Variants in IMMP2L observed in about 807,000 individuals in gnomAD.
The protein encoded by IMMP2L is inner mitochondrial membrane peptidase subunit 2.
In IMMP2L, 18 loss-of-function variants were observed where a neutral mutation model predicts 19.3. The observed-to-expected ratio is 0.93, with a 90% CI of 0.64 to 1.38. The LOEUF (loss-of-function observed/expected upper bound fraction) is 1.38. Among genes scored for constraint, IMMP2L ranks in the 40% most tolerant of loss-of-function variants. The probability of loss-of-function intolerance (pLI) is 0.00; values close to 1 mark genes in which losing one functional copy is unlikely to be tolerated. For missense variants in IMMP2L, 233 were observed against 218.2 expected (o/e 1.07, Z -0.43); for synonymous variants, 76 against 73.0 (o/e 1.04, Z -0.21).
intron 4 of IMMP2L, among the ~76,000 whole-genome samples, chr7:110,941,064 C>G (rs1349765373): frequency 6.6e-6 from 1 of 152,156 alleles, no homozygotes; most frequent in Non-Finnish European, 1.5e-5. Flanking sequence ...AGTGATAATA[C>G]TCTCTTTAAA....
intron 3 of IMMP2L, among the ~76,000 whole-genome samples, chr7:111,348,303 T>C (rs1044396404): frequency 5.3e-5 from 8 of 152,028 alleles, no homozygotes; most frequent in African/African-American, 1.9e-4. Flanking sequence ...AAAAGTTCTA[T>C]CAAAGTATTT....
chr7:110,986,889 C>A (rs1253403119), intron 3 of IMMP2L, among the ~76,000 whole-genome samples: 1 of 151,628 alleles, frequency 6.6e-6, no homozygotes, highest in African/African-American at 2.4e-5. Context: ...CTATAGGGCT[C>A]CACATATTTT....
chr7:110,738,885 C>T (rs1394902570), intron 5 of IMMP2L, among the ~76,000 whole-genome samples: 1 of 152,166 alleles, frequency 6.6e-6, no homozygotes, highest in Non-Finnish European at 1.5e-5. Context: ...ACTCTACAAA[C>T]TAGAAGGGAT....
At chr7:110,773,856 C>G (rs1584785134) in intron 5 of IMMP2L, among the ~76,000 whole-genome samples, 1 of 138,246 alleles carries the variant, frequency 7.2e-6, no homozygotes, top group Non-Finnish European at 1.5e-5. Context: ...TTCTGTACTA[C>G]TATTCTTTAA....
At chr7:111,005,627 G>A (rs1824206836) in intron 3 of IMMP2L, among the ~76,000 whole-genome samples, 1 of 152,144 alleles carries the variant, frequency 6.6e-6, no homozygotes, top group South Asian at 2.1e-4. Flanking sequence ...GTTCCTGTAA[G>A]GGTGTCACAA....
chr7:111,446,720 G>T (rs545623256), intron 3 of IMMP2L, among the ~76,000 whole-genome samples: 1 of 152,350 alleles, frequency 6.6e-6, no homozygotes, highest in African/African-American at 2.4e-5. Flanking sequence ...TGATTTCGAT[G>T]AGCTAAGAGA....
At chr7:111,425,037 A>G (rs1044942041) in intron 3 of IMMP2L, among the ~76,000 whole-genome samples, 1 of 151,790 alleles carries the variant, frequency 6.6e-6, no homozygotes, top group Non-Finnish European at 1.5e-5. Context: ...TCCTTCATCA[A>G]TTGCCCTCTG....
chr7:111,267,102 C>A (rs1362293052), intron 3 of IMMP2L, among the ~76,000 whole-genome samples: 1 of 152,136 alleles, frequency 6.6e-6, no homozygotes, highest in Non-Finnish European at 1.5e-5. Flanking sequence ...AAATTCAATT[C>A]TTCCATATGT....
At chr7:111,470,696 G>A (rs1404028466) in intron 3 of IMMP2L, among the ~76,000 whole-genome samples, 1 of 138,190 alleles carries the variant, frequency 7.2e-6, no homozygotes, top group African/African-American at 2.6e-5. Flanking sequence ...GACACAGGAA[G>A]GGGAACATCA....
chr7:111,076,982 A>G (rs1795470388), intron 3 of IMMP2L, among the ~76,000 whole-genome samples: 1 of 152,114 alleles, frequency 6.6e-6, no homozygotes, highest in Admixed American at 6.5e-5. Context: ...TCTCTCCTCC[A>G]ACTAGGGAAA....
At chr7:111,439,527 T>C (rs1417069552) in intron 3 of IMMP2L, among the ~76,000 whole-genome samples, 2 of 151,940 alleles carry the variant, frequency 1.3e-5, no homozygotes, top group African/African-American at 4.9e-5. Context: ...CTATTAGATG[T>C]GCAATTGCAT....
At chr7:111,124,897 T>C in intron 3 of IMMP2L, 1 of 1,435,752 alleles carries the variant, frequency 7.0e-7, no homozygotes, top group Non-Finnish European at 9.1e-7. Flanking sequence ...AAATATGTCC[T>C]AAAAACCACC....
At chr7:111,194,336 C>T (rs1809235093) in intron 3 of IMMP2L, among the ~76,000 whole-genome samples, 1 of 152,168 alleles carries the variant, frequency 6.6e-6, no homozygotes, top group Admixed American at 6.5e-5. Flanking sequence ...AATATTCAAT[C>T]TACCTATGAC....
intron 3 of IMMP2L, among the ~76,000 whole-genome samples, chr7:111,028,754 C>T (rs1253275786): frequency 6.6e-6 from 1 of 152,060 alleles, no homozygotes; most frequent in Non-Finnish European, 1.5e-5. Flanking sequence ...TTTCTTTTCT[C>T]TTAATATCAC....
At chr7:111,024,952 C>T (rs1826666655) in intron 3 of IMMP2L, among the ~76,000 whole-genome samples, 1 of 152,076 alleles carries the variant, frequency 6.6e-6, no homozygotes, top group Non-Finnish European at 1.5e-5. Flanking sequence ...GTATTGAAAT[C>T]AGCATATTTT....
chr7:111,361,363 AT>A (rs1394891669), intron 3 of IMMP2L, among the ~76,000 whole-genome samples: 1 of 152,134 alleles, frequency 6.6e-6, no homozygotes, highest in East Asian at 1.9e-4. Context: ...ATTCTTGAAG[AT>A]TTAATTGTGC....
chr7:111,154,008 C>T (rs1804360840), intron 3 of IMMP2L, among the ~76,000 whole-genome samples: 1 of 152,054 alleles, frequency 6.6e-6, no homozygotes, highest in Non-Finnish European at 1.5e-5. Context: ...ATTATTCTCC[C>T]AGTAAGTTTT....
At chr7:111,034,586 G>A (rs1255866875) in intron 3 of IMMP2L, among the ~76,000 whole-genome samples, 2 of 152,098 alleles carry the variant, frequency 1.3e-5, no homozygotes, top group East Asian at 1.9e-4. Context: ...CTATGCCTAG[G>A]GAAAGGAAGG....
chr7:111,383,362 G>C (rs1431075882), intron 3 of IMMP2L, among the ~76,000 whole-genome samples: 1 of 152,114 alleles, frequency 6.6e-6, no homozygotes, highest in Non-Finnish European at 1.5e-5. Flanking sequence ...GGCAGGATCT[G>C]GTCCTCCAGG....
Sources: allele counts gnomAD v4.1 joint callset (sites outside exome capture counted in the v4.1 genomes callset), GRCh38; gene constraint gnomAD v4.1.1; transcripts MANE v1.5; gene names NCBI Gene and HGNC (gene_info 2026-07-23, HGNC 2026-07-21).